Variants in F2R observed in about 807,000 individuals in gnomAD.
The protein encoded by F2R is proteinase-activated receptor 1.
Under a neutral mutation model 18.3 loss-of-function variants are expected in F2R, and 12 were observed. The ratio of observed to expected loss-of-function variants is 0.66; its 90% CI spans 0.42 to 1.06. F2R has a LOEUF of 1.06. F2R is among the 50% of genes least tolerant of loss of function. The probability of loss-of-function intolerance (pLI) is 0.00; values close to 1 mark genes in which losing one functional copy is unlikely to be tolerated. For missense variants in F2R, 438 were observed against 530.8 expected (o/e 0.83, Z 1.72); for synonymous variants, 210 against 219.9 (o/e 0.95, Z 0.40).
At chr5:76,727,013 T>A (rs1748573890) in intron 1 of F2R, among the ~76,000 whole-genome samples, 1 of 152,172 alleles carries the variant, frequency 6.6e-6, no homozygotes, top group African/African-American at 2.4e-5. Context: ...AAATTTGATT[T>A]ATAGCTCTGA....
intron 1 of F2R, among the ~76,000 whole-genome samples, chr5:76,730,537 C>T (rs1748651310): frequency 6.6e-6 from 1 of 152,234 alleles, no homozygotes; most frequent in Non-Finnish European, 1.5e-5. Context: ...CACCGTATGT[C>T]TGGAGCTTGT....
chr5:76,718,050 C>T (rs560533094), intron 1 of F2R, among the ~76,000 whole-genome samples: 3 of 152,110 alleles, frequency 2.0e-5, no homozygotes, highest in Admixed American at 6.5e-5. Context: ...GGAAAAGGAG[C>T]GCTTGCTAAG....
At position 76,716,323 on chromosome 5, in the gene F2R, C is replaced by G; in HGVS notation, c.16C>G (p.Leu6Val). The change falls in exon 1 of 2, where the codon CTG becomes GTG. Residue 6 changes from leucine to valine, a missense_variant. By Grantham distance (32) the Leu-to-Val change is conservative. Transcript: ENST00000319211. ...GCCCGGGACAATGGGGCCGCGGCGG[C>G]TGCTGCTGGTGGCCGCCTGCTTCAG... MGPRR[L>V]LLVAACFSLC... 7.0e-7 allele frequency: 1 copy of G among 1,421,308 alleles called. No individual in the cohort carries two copies. The highest frequency in any genetic ancestry group is 9.2e-7 in the Non-Finnish European group (1 of 1,089,868). 88.0% of individuals were successfully genotyped at this position (1,421,308 alleles called of 1,614,324 possible).
Position 76,718,372 on chromosome 5 carries a change from G to A in F2R, c.88+1977G>A, listed in dbSNP as rs1046462329. On this transcript the variant is annotated intron_variant, in intron 1 of 1. Coordinates refer to ENST00000319211, the MANE Select transcript of F2R (RefSeq NM_001992.5). ...GCATTGACAATTCTAAGCATTGTCT[G>A]TCATAAGGTAGTGGTGCTGGGACTC... Among the ~76,000 whole-genome samples, 9 of 152,334 alleles carry A rather than the reference G, an allele frequency of 5.9e-5. No individual in the cohort carries two copies. The South Asian group carries it at 1.7e-3, about 28-fold the overall frequency.
At chr5:76,730,668 T>C (rs965157983) in intron 1 of F2R, among the ~76,000 whole-genome samples, 3 of 152,188 alleles carry the variant, frequency 2.0e-5, no homozygotes, top group African/African-American at 4.8e-5. Context: ...ATTCTGACAC[T>C]ATCTATCTAC....
rs1363065710 is a variant in F2R, at chr5:76,734,179, T to C, written c.*676T>C. ...AGCCTCTGTTTTGATATGGGTAGTATTTTTTACATTTTACACACTGTACAC... is the reference window on the plus strand; with the variant it reads ...AGCCTCTGTTTTGATATGGGTAGTACTTTTTACATTTTACACACTGTACAC... On this transcript the variant is annotated 3_prime_UTR_variant, in exon 2 of 2. Coordinates refer to ENST00000319211, the MANE Select transcript of F2R (RefSeq NM_001992.5). 1 of 152,428 alleles carries C rather than the reference T, an allele frequency of 6.6e-6. No homozygotes were observed. Among genetic ancestry groups the C allele is most frequent in the Non-Finnish European group, 1.5e-5 (1 of 68,130 alleles). 9.4% of individuals were successfully genotyped at this position (152,428 alleles called of 1,614,324 possible). A position where few individuals can be genotyped will look rare whatever the true frequency, so the allele number is the denominator to read the frequency against.
Position 76,734,282 on chromosome 5 carries a change from T to C in F2R, c.*779T>C, listed in dbSNP as rs2150584475. 6.6e-6 allele frequency: 1 copy of C among 152,464 alleles called. No homozygotes were observed. The highest frequency in any genetic ancestry group is 6.5e-5 in the Admixed American group (1 of 15,300). The allele number at this position is 152,464 out of a possible 1,614,324, so 9.4% of individuals were successfully genotyped here. On this transcript the variant is annotated 3_prime_UTR_variant, in exon 2 of 2. Coordinates refer to ENST00000319211, the MANE Select transcript of F2R (RefSeq NM_001992.5). The stretch of plus-strand genomic sequence containing the variant: ...GTAGGCTATTCCTGAGAGCTGCATG[T>C]GTCCGCCCCCGATGGAGGACTCCAG...
At position 76,733,294 on chromosome 5, in the gene F2R, G is replaced by C; in HGVS notation, c.1069G>C (p.Val357Leu). 6.2e-7 allele frequency: 1 copy of C among 1,614,122 alleles called. No homozygotes were observed. Among genetic ancestry groups the C allele is most frequent in the Non-Finnish European group, 8.5e-7 (1 of 1,180,014 alleles). Residue 357 changes from valine to leucine, a missense_variant, in exon 2 of 2, where the codon GTC becomes CTC. Coordinates refer to ENST00000319211, the MANE Select transcript of F2R (RefSeq NM_001992.5). ...TGCCTACTTTGCCTACCTCCTCTGT[G>C]TCTGTGTCAGCAGCATAAGCTGCTG... is the stretch of plus-strand genomic sequence containing the variant. ...EAAYFAYLLC[V>L]CVSSISCCID...
At chr5:76,720,059 T>A (rs1748418357) in intron 1 of F2R, among the ~76,000 whole-genome samples, 1 of 152,134 alleles carries the variant, frequency 6.6e-6, no homozygotes, top group African/African-American at 2.4e-5. Flanking sequence ...TTCTTATGAG[T>A]CAGCAAGTAA....
chr5:76,733,060 T>A lies in F2R; in HGVS notation c.835T>A (p.Phe279Ile). The A allele has an allele frequency of 6.2e-7, 1 of 1,614,158 alleles. No individual in the cohort carries two copies. Among genetic ancestry groups the A allele is most frequent in the Non-Finnish European group, 8.5e-7 (1 of 1,180,040 alleles). The change falls in exon 2 of 2, where the codon TTT becomes ATT. Residue 279 changes from phenylalanine (F) to isoleucine (I), a missense_variant. By Grantham distance (21) the Phe-to-Ile change is conservative. Transcript: ENST00000319211. ...CTTCTCAGCCTTCTCTGCTGTCTTC[T>A]TTTTTGTGCCGCTGATCATTTCCAC... The part of the protein sequence containing the change: ...YYFSAFSAVF[F>I]FVPLIISTVC...
chr5:76,725,837 T>C (rs574959751), intron 1 of F2R, among the ~76,000 whole-genome samples: 1 of 152,346 alleles, frequency 6.6e-6, no homozygotes, highest in African/African-American at 2.4e-5. Flanking sequence ...CCAGAGAAGA[T>C]GTTTTTTAAA....
Position 76,730,531 on chromosome 5 carries a change from G to A in F2R, c.89-1783G>A, listed in dbSNP as rs75652818. Among the ~76,000 whole-genome samples the A allele has an allele frequency of 6.8e-3, 1,033 of 152,268 alleles. 11 individuals carry two copies. The highest frequency in any genetic ancestry group is 0.021 in the Admixed American group (317 of 15,296). On this transcript the variant is annotated intron_variant, in intron 1 of 1. Coordinates refer to ENST00000319211, the MANE Select transcript of F2R (RefSeq NM_001992.5). The stretch of plus-strand genomic sequence containing the variant: ...CACTTCACTCAATCCTTCTGACACC[G>A]TATGTCTGGAGCTTGTTTCTCCACA...
In F2R at chr5:76,733,288, C is replaced by T. The variant is rs140912041; in HGVS notation, c.1063C>T (p.Leu355Phe). Residue 355 changes from leucine to phenylalanine, a missense_variant, in exon 2 of 2, where the codon CTC (leucine) becomes TTC (phenylalanine). Leu to Phe is a conservative substitution (Grantham distance 22, BLOSUM62 0). Coordinates refer to ENST00000319211, the MANE Select transcript of F2R (RefSeq NM_001992.5). Reference protein sequence around the residue: ...TTEAAYFAYLLCVCVSSISCC... With the variant: ...TTEAAYFAYLFCVCVSSISCC... ...AGAGGCTGCCTACTTTGCCTACCTC[C>T]TCTGTGTCTGTGTCAGCAGCATAAG... is the stretch of plus-strand genomic sequence containing the variant. The T allele has an allele frequency of 2.5e-4, 399 of 1,614,092 alleles. 2 individuals carry two copies. The highest frequency in any genetic ancestry group is 3.0e-4 in the Non-Finnish European group (354 of 1,180,046).
chr5:76,728,685 C>CTT (rs763418437), intron 1 of F2R, among the ~76,000 whole-genome samples: 2,062 of 90,322 alleles, frequency 0.023, 120 homozygotes, highest in African/African-American at 0.053. Context: ...ACATCCTGGT[C>CTT]TTTTTTTTTT....
chr5:76,719,588 CA>C (rs11435777), intron 1 of F2R, among the ~76,000 whole-genome samples: 2,695 of 145,938 alleles, frequency 0.018, 79 homozygotes, highest in African/African-American at 0.063. Flanking sequence ...GACTCTCTCT[CA>C]AAAAAAAAAA....
intron 1 of F2R, among the ~76,000 whole-genome samples, chr5:76,719,332 G>A (rs1748404131): frequency 6.6e-6 from 1 of 152,198 alleles, no homozygotes; most frequent in Admixed American, 6.5e-5. Flanking sequence ...GCTCATGCCT[G>A]TAATCCCAGC....
intron 1 of F2R, among the ~76,000 whole-genome samples, chr5:76,731,714 G>C (rs1366903296): frequency 6.6e-6 from 1 of 151,854 alleles, no homozygotes; most frequent in Non-Finnish European, 1.5e-5. Flanking sequence ...GTTTTTAGTA[G>C]AGATGGGGTT....
At chr5:76,731,651 TC>T (rs1748671084) in intron 1 of F2R, among the ~76,000 whole-genome samples, 2 of 151,944 alleles carry the variant, frequency 1.3e-5, no homozygotes, top group African/African-American at 4.8e-5. Flanking sequence ...TGCCTCAGGC[TC>T]CCAAGTAGCT....
chr5:76,719,016 C>T (rs1748395248), intron 1 of F2R, among the ~76,000 whole-genome samples: 1 of 152,136 alleles, frequency 6.6e-6, no homozygotes, highest in Non-Finnish European at 1.5e-5. Context: ...CAGCCCCATC[C>T]TCTAGATCCT....
Sources: gnomAD v4.1 joint callset for allele counts (sites outside exome capture counted in the v4.1 genomes callset) on GRCh38, gnomAD v4.1.1 for gene constraint, MANE v1.5 for transcripts, NCBI Gene and HGNC (gene_info 2026-07-23, HGNC 2026-07-21) for gene names.